Variants in MINDY4 observed in about 807,000 individuals in gnomAD.
MINDY4 encodes the protein MINDY lysine 48 deubiquitinase 4, also known as probable ubiquitin carboxyl-terminal hydrolase MINDY-4.
Under a neutral mutation model 87.0 loss-of-function variants are expected in MINDY4, and 68 were observed. The observed-to-expected ratio is 0.78, with a 90% CI of 0.64 to 0.96. The LOEUF (loss-of-function observed/expected upper bound fraction) is 0.96. MINDY4 is among the 40% of genes least tolerant of loss of function. The pLI is 0.00. For synonymous variants in MINDY4, 379 were observed against 363.2 expected, an observed-to-expected ratio of 1.04 and a Z score of -0.50; for missense variants, 919 against 928.2, an observed-to-expected ratio of 0.99 and a Z score of 0.13.
At chr7:30,865,831 A>T (rs1789916780) in intron 13 of MINDY4, among the ~76,000 whole-genome samples, 1 of 152,208 alleles carries the variant, frequency 6.6e-6, no homozygotes, top group African/African-American at 2.4e-5. Flanking sequence ...CCTGGCTCTC[A>T]ATCGAAGACC....
intron 17 of MINDY4, among the ~76,000 whole-genome samples, chr7:30,884,142 AG>A (rs1181599977): frequency 6.6e-6 from 1 of 152,106 alleles, no homozygotes; most frequent in Non-Finnish European, 1.5e-5. Flanking sequence ...CCTGAGATCC[AG>A]GGGGCACAGC....
At chr7:30,793,370 G>A (rs1016317097) in intron 5 of MINDY4, among the ~76,000 whole-genome samples, 1 of 147,948 alleles carries the variant, frequency 6.8e-6, no homozygotes, top group African/African-American at 2.5e-5. Flanking sequence ...TTTTTAGCAG[G>A]TATGTTAAAT....
intron 9 of MINDY4, among the ~76,000 whole-genome samples, chr7:30,845,847 T>C (rs1191076864): frequency 6.6e-6 from 1 of 152,216 alleles, no homozygotes; most frequent in East Asian, 1.9e-4. Flanking sequence ...TCATTACGAC[T>C]CATTCCATCA....
intron 5 of MINDY4, among the ~76,000 whole-genome samples, chr7:30,801,893 A>G (rs946990411): frequency 6.6e-6 from 1 of 152,156 alleles, no homozygotes; most frequent in African/African-American, 2.4e-5. Flanking sequence ...TGTATTGTCC[A>G]TCTGTGGACA....
In MINDY4 at chr7:30,796,819, G is replaced by T. The variant is rs189401469; in HGVS notation, c.1073+5245G>T. 6.0e-5 allele frequency: 9 copies of T among 150,730 alleles called. No homozygotes were observed. The East Asian group carries it at 1.8e-3, about 30-fold the overall frequency. The allele number at this position is 150,730 out of a possible 1,614,324, so 9.3% of individuals were successfully genotyped here. A position where few individuals can be genotyped will look rare whatever the true frequency, so the allele number is the denominator to read the frequency against. On this transcript the variant is annotated intron_variant, in intron 5 of 17. Transcript: ENST00000265299. ...CAGATGTCACTAACCAACATATGAT[G>T]TCTTGCTCTTCATGTTACAGATCCT...
At chr7:30,842,880 G>T (rs893659049) in intron 9 of MINDY4, among the ~76,000 whole-genome samples, 9 of 152,142 alleles carry the variant, frequency 5.9e-5, no homozygotes, top group South Asian at 2.1e-4. Context: ...GTGCTCAGGC[G>T]CTGTGCCTGC....
intron 4 of MINDY4, among the ~76,000 whole-genome samples, chr7:30,787,470 T>C (rs1248399807): frequency 2.0e-5 from 3 of 152,240 alleles, no homozygotes; most frequent in Non-Finnish European, 4.4e-5. Context: ...CCCATCTCCA[T>C]GTGAGATAAA....
intron 1 of MINDY4, among the ~76,000 whole-genome samples, chr7:30,772,062 TG>T (rs954722138): frequency 2.0e-5 from 3 of 152,288 alleles, no homozygotes; most frequent in Non-Finnish European, 4.4e-5. Flanking sequence ...CTTTAATTTT[TG>T]TAAGTTTTCC....
chr7:30,828,962 A>T (rs1646384757), intron 6 of MINDY4, among the ~76,000 whole-genome samples: 1 of 151,872 alleles, frequency 6.6e-6, no homozygotes, highest in South Asian at 2.1e-4. Flanking sequence ...TCATTTCTGG[A>T]TCTACACTGT....
chr7:30,844,350 G>A (rs1016379239), intron 9 of MINDY4, among the ~76,000 whole-genome samples: 4 of 152,186 alleles, frequency 2.6e-5, no homozygotes, highest in Non-Finnish European at 2.9e-5. Flanking sequence ...CCCAGAGACC[G>A]TCTCCCCTGA....
In MINDY4 at chr7:30,841,638, A is replaced by ATT. The variant is rs1471661487; in HGVS notation, c.1445+790_1445+791insTT. On this transcript the variant is annotated intron_variant, in intron 9 of 17. Coordinates refer to ENST00000265299, the MANE Select transcript of MINDY4 (RefSeq NM_032222.3). ...ACTTCTGGCAATTGGCCTTTTTTAA[A>ATT]AAAAAAAAATTTAGTTAAAATATAA... Among the ~76,000 whole-genome samples the ATT allele has an allele frequency of 1.4e-3, 207 of 151,952 alleles. 2 individuals are homozygous for ATT. Among genetic ancestry groups the ATT allele is most frequent in the African/African-American group, 4.5e-3 (186 of 41,436 alleles).
chr7:30,782,735 A>T (rs962730180), intron 3 of MINDY4, among the ~76,000 whole-genome samples: 2 of 152,078 alleles, frequency 1.3e-5, no homozygotes, highest in African/African-American at 4.8e-5. Flanking sequence ...TATTTTAAGG[A>T]GCTGGCTGAT....
chr7:30,810,201 A>ATG (rs1787944067), intron 5 of MINDY4, among the ~76,000 whole-genome samples: 1 of 149,492 alleles, frequency 6.7e-6, no homozygotes, highest in Non-Finnish European at 1.5e-5. Context: ...AAAAAAAGAA[A>ATG]TGTTTATAAT....
At chr7:30,774,308 A>G (rs146428325) in intron 1 of MINDY4, among the ~76,000 whole-genome samples, 66 of 152,206 alleles carry the variant, frequency 4.3e-4, no homozygotes, top group Non-Finnish European at 1.0e-4. Flanking sequence ...TGCTCTCTTT[A>G]GTGTTCTTGT....
chr7:30,852,672 G>A (rs1487240592), intron 11 of MINDY4, among the ~76,000 whole-genome samples: 11 of 152,010 alleles, frequency 7.2e-5, no homozygotes, highest in Admixed American at 7.2e-4. Flanking sequence ...ATGTGGGGAG[G>A]AACTTTAATA....
At chr7:30,848,020 C>A (rs1310418909) in intron 9 of MINDY4, among the ~76,000 whole-genome samples, 1 of 152,228 alleles carries the variant, frequency 6.6e-6, no homozygotes, top group Non-Finnish European at 1.5e-5. Flanking sequence ...AGACATGAAC[C>A]ACTGCACCTG....
At chr7:30,813,528 A>G (rs1788067722) in intron 5 of MINDY4, among the ~76,000 whole-genome samples, 1 of 152,222 alleles carries the variant, frequency 6.6e-6, no homozygotes, top group Non-Finnish European at 1.5e-5. Flanking sequence ...ACAGCTGAGG[A>G]ACCTCAGCAG....
chr7:30,778,912 T>C (rs1786911676), intron 2 of MINDY4, among the ~76,000 whole-genome samples: 1 of 152,230 alleles, frequency 6.6e-6, no homozygotes, highest in Non-Finnish European at 1.5e-5. Flanking sequence ...ATACTAAAAT[T>C]TTCCATGCCC....
At chr7:30,848,176 T>C (rs1412885491) in intron 9 of MINDY4, among the ~76,000 whole-genome samples, 1 of 152,248 alleles carries the variant, frequency 6.6e-6, no homozygotes, top group Non-Finnish European at 1.5e-5. Flanking sequence ...TTAGGTGTTC[T>C]AGGCAGAAAG....
Sources: allele counts gnomAD v4.1 joint callset (sites outside exome capture counted in the v4.1 genomes callset), GRCh38; gene constraint gnomAD v4.1.1; transcripts MANE v1.5; gene names NCBI Gene and HGNC (gene_info 2026-07-23, HGNC 2026-07-21).